PAX5: variants seen among roughly 807,000 people sequenced by gnomAD.
PAX5 encodes the protein paired box protein Pax-5.
In PAX5, 9 loss-of-function variants were observed where a neutral mutation model predicts 43.7. The ratio of observed to expected loss-of-function variants is 0.21; its 90% CI spans 0.12 to 0.36. The LOEUF (loss-of-function observed/expected upper bound fraction) is 0.36, where lower values mean the gene tolerates loss of function less well. Ranked by LOEUF, PAX5 falls within the 10% of genes least tolerant of loss-of-function variation. The pLI, the probability that PAX5 is intolerant of heterozygous loss-of-function variation, is 1.00. For synonymous variants in PAX5, 228 were observed against 214.3 expected (o/e 1.06, Z -0.56); for missense variants, 383 against 532.7 (o/e 0.72, Z 2.77).
chr9:36,871,588 A>G (rs564907741), intron 8 of PAX5, among the ~76,000 whole-genome samples: 1 of 152,338 alleles, frequency 6.6e-6, no homozygotes, highest in South Asian at 2.1e-4. Flanking sequence ...ATCACAGCCC[A>G]GTCGTTTTGT....
chr9:36,858,750 C>T (rs139191665), intron 8 of PAX5, among the ~76,000 whole-genome samples: 2,120 of 152,248 alleles, frequency 0.014, 21 homozygotes, highest in Non-Finnish European at 0.023. Context: ...GGAACTCCTT[C>T]GCTCAGCCCA....
chr9:36,877,333 T>C (rs1201887939), intron 8 of PAX5, among the ~76,000 whole-genome samples: 1 of 152,116 alleles, frequency 6.6e-6, no homozygotes, highest in African/African-American at 2.4e-5. Context: ...AGTGAGACCA[T>C]GCCTTCATTT....
chr9:37,000,061 G>A (rs1837715313), intron 5 of PAX5, among the ~76,000 whole-genome samples: 1 of 152,148 alleles, frequency 6.6e-6, no homozygotes, highest in Non-Finnish European at 1.5e-5. Flanking sequence ...CTGTATGGCT[G>A]TGTAGCCTCC....
At chr9:37,026,727 C>A (rs919923599) in intron 1 of PAX5, 11 of 985,328 alleles carry the variant, frequency 1.1e-5, no homozygotes, top group Non-Finnish European at 1.2e-5. Context: ...CTCTCAGAGC[C>A]TCCCTGCTGG....
At chr9:36,863,773 G>A (rs1400223125) in intron 8 of PAX5, among the ~76,000 whole-genome samples, 5 of 152,188 alleles carry the variant, frequency 3.3e-5, no homozygotes, top group African/African-American at 1.2e-4. Context: ...AAAACACGCA[G>A]GTCGGGGAAT....
At chr9:36,995,794 G>A (rs548007797) in intron 5 of PAX5, among the ~76,000 whole-genome samples, 1 of 152,214 alleles carries the variant, frequency 6.6e-6, no homozygotes, top group Admixed American at 6.5e-5. Context: ...CAGGCTGGTG[G>A]CCCCAACAAC....
chr9:36,839,900 G>GCTCCC lies in PAX5; in HGVS notation c.*659_*660insGGGAG, dbSNP rs1821905411. 1 of 234,612 alleles carries GCTCCC rather than the reference G, an allele frequency of 4.3e-6. No homozygotes were observed. Among genetic ancestry groups the GCTCCC allele is most frequent in the Non-Finnish European group, 8.4e-6 (1 of 118,980 alleles). The allele number at this position is 234,612 out of a possible 1,614,324, so 14.5% of individuals were successfully genotyped here. A position where few individuals can be genotyped will look rare whatever the true frequency, so the allele number is the denominator to read the frequency against. The stretch of plus-strand genomic sequence containing the variant: ...CAAAGTGTGCTCCTCTTGGAGAGGG[G>GCTCCC]CCTCAGGGGGAGCCTGCAGCACAAC... On this transcript the variant is annotated 3_prime_UTR_variant, in exon 10 of 10. Transcript: ENST00000358127.
intron 6 of PAX5, among the ~76,000 whole-genome samples, chr9:36,962,758 T>C (rs1195122857): frequency 2.0e-5 from 3 of 152,112 alleles, no homozygotes; most frequent in East Asian, 1.9e-4. Flanking sequence ...ACCAAGCTGC[T>C]CAGCGAAAGT....
intron 7 of PAX5, among the ~76,000 whole-genome samples, chr9:36,899,859 A>C (rs1454459354): frequency 6.6e-6 from 1 of 152,052 alleles, no homozygotes; most frequent in African/African-American, 2.4e-5. Context: ...CCCCATCCCA[A>C]ATCCAGTGCA....
chr9:36,846,653 G>T (rs1260373845), intron 9 of PAX5, among the ~76,000 whole-genome samples, 190 bp downstream of exon 9: 1 of 152,152 alleles, frequency 6.6e-6, no homozygotes, highest in African/African-American at 2.4e-5. Context: ...AGGAGGGCAT[G>T]AGCAGGGCTG....
rs534840354 is a variant in PAX5 at position 36,985,751 on chromosome 9, C to T, written c.604+16897G>A. On this transcript the variant is annotated intron_variant, in intron 5 of 9. Coordinates refer to ENST00000358127, the MANE Select transcript of PAX5 (RefSeq NM_016734.3). ...GGGCGCAAAGCACACGTGGCAGGGT[C>T]AAAATCCAGTCCCGAACTTCCCAAG... Among the ~76,000 whole-genome samples the T allele has an allele frequency of 1.8e-4, 27 of 152,304 alleles. No homozygotes were observed. In the South Asian group the frequency reaches 3.7e-3, roughly 21 times the overall value.
chr9:36,897,449 A>T (rs971885106), intron 7 of PAX5, among the ~76,000 whole-genome samples: 4 of 152,094 alleles, frequency 2.6e-5, no homozygotes, highest in African/African-American at 9.7e-5. Context: ...AGTTTACATC[A>T]GGCTTCCCAG....
At chr9:37,030,678 A>G (rs1186502446) in intron 1 of PAX5, among the ~76,000 whole-genome samples, 1 of 152,266 alleles carries the variant, frequency 6.6e-6, no homozygotes, top group Non-Finnish European at 1.5e-5. Context: ...ACTGAAAGAC[A>G]GCCCATTGAG....
At chr9:36,912,047 C>T (rs1587948275) in intron 7 of PAX5, among the ~76,000 whole-genome samples, 4 of 152,354 alleles carry the variant, frequency 2.6e-5, no homozygotes, top group African/African-American at 9.6e-5. Context: ...AAATTCAGAG[C>T]TCTCCACCCC....
At chr9:37,022,475 A>T (rs756907935) in intron 1 of PAX5, among the ~76,000 whole-genome samples, 7 of 152,240 alleles carry the variant, frequency 4.6e-5, no homozygotes, top group Non-Finnish European at 8.8e-5. Flanking sequence ...AAATAAATTC[A>T]AAATTGGTAT....
chr9:36,940,550 G>A (rs759740381), intron 6 of PAX5, among the ~76,000 whole-genome samples: 36 of 152,100 alleles, frequency 2.4e-4, no homozygotes, highest in Non-Finnish European at 4.4e-4. Context: ...CCTGGGACCC[G>A]CCCTGAGCCC....
At chr9:37,007,610 A>C (rs974239846) in intron 3 of PAX5, 1 of 152,254 alleles carries the variant, frequency 6.6e-6, no homozygotes, top group Admixed American at 6.5e-5. Context: ...AGAGTGGGTC[A>C]TAATAAAATG....
chr9:37,021,385 C>T (rs1839843747), intron 1 of PAX5, among the ~76,000 whole-genome samples: 1 of 152,138 alleles, frequency 6.6e-6, no homozygotes, highest in African/African-American at 2.4e-5. Flanking sequence ...TTGTTTAAAA[C>T]CCTCCCTTTA....
intron 8 of PAX5, among the ~76,000 whole-genome samples, chr9:36,852,722 A>T (rs1352108711): frequency 6.6e-6 from 1 of 152,188 alleles, no homozygotes; most frequent in Non-Finnish European, 1.5e-5. Flanking sequence ...CACGCAACAA[A>T]TTCATCTTAT....
Sources: gnomAD v4.1 joint callset for allele counts (sites outside exome capture counted in the v4.1 genomes callset) on GRCh38, gnomAD v4.1.1 for gene constraint, MANE v1.5 for transcripts, NCBI Gene and HGNC (gene_info 2026-07-23, HGNC 2026-07-21) for gene names.